The following SLC14A2 variants were observed in gnomAD, a reference collection of about 807,000 sequenced individuals.
SLC14A2 encodes solute carrier family 14 member 2, also known as urea transporter 2.
SLC14A2 carries 91 observed loss-of-function variants against 104.6 expected under a neutral mutation model. The observed-to-expected ratio is 0.87, with a 90% CI of 0.73 to 1.04. The LOEUF (loss-of-function observed/expected upper bound fraction) is 1.04. Among genes scored for constraint, SLC14A2 ranks in the 50% least tolerant of loss-of-function variants. The pLI, the probability that SLC14A2 is intolerant of heterozygous loss-of-function variation, is 0.00. For synonymous variants in SLC14A2, 476 were observed against 466.4 expected (o/e 1.02, Z -0.27); for missense variants, 1,189 against 1,156.0 (o/e 1.03, Z -0.41).
At chr18:45,557,408 G>C (rs2044147581) in intron 2 of SLC14A2, among the ~76,000 whole-genome samples, 1 of 152,216 alleles carries the variant, frequency 6.6e-6, no homozygotes, top group East Asian at 1.9e-4. Flanking sequence ...CTCCATTAAT[G>C]TGTGTAAGTT....
chr18:45,176,242 C>T, the SLC14A2 span, among the ~76,000 whole-genome samples: 1 of 152,276 alleles, frequency 6.6e-6, no homozygotes, highest in Admixed American at 6.5e-5. Flanking sequence ...ATTCTCACAA[C>T]CACAATATGT....
chr18:45,205,194 C>G, the SLC14A2 span, among the ~76,000 whole-genome samples: 1 of 152,324 alleles, frequency 6.6e-6, no homozygotes, highest in East Asian at 1.9e-4. Flanking sequence ...CACCAGCTTT[C>G]AGGCAGCATA....
chr18:45,392,248 A>T (rs9304316), intron 1 of SLC14A2, among the ~76,000 whole-genome samples: 3 of 152,062 alleles, frequency 2.0e-5, no homozygotes, highest in Admixed American at 1.3e-4. Context: ...GGTCTCCCCA[A>T]CACACATGCT....
chr18:45,336,276 G>C (rs1469598717), intron 1 of SLC14A2, among the ~76,000 whole-genome samples: 4 of 152,124 alleles, frequency 2.6e-5, no homozygotes, highest in Admixed American at 2.6e-4. Context: ...ATTTGAACTG[G>C]GAAAATGTCC....
intron 10 of SLC14A2, among the ~76,000 whole-genome samples, chr18:45,656,798 A>G (rs1209541768): frequency 6.6e-6 from 1 of 152,242 alleles, no homozygotes; most frequent in Non-Finnish European, 1.5e-5. Context: ...AAAGACACCG[A>G]AAGAAATGAG....
chr18:45,641,037 T>C (rs761458554), intron 7 of SLC14A2, among the ~76,000 whole-genome samples, 172 bp from the exon 8 acceptor site: 17 of 152,190 alleles, frequency 1.1e-4, no homozygotes, highest in African/African-American at 2.4e-4. Context: ...TCTCTTTTCA[T>C]TGAAGGTCTC....
chr18:45,178,420 C>A, the SLC14A2 span, among the ~76,000 whole-genome samples: 1 of 151,762 alleles, frequency 6.6e-6, no homozygotes, highest in Non-Finnish European at 1.5e-5. Flanking sequence ...AGAATAAAAG[C>A]ACACGTTATT....
intron 2 of SLC14A2, among the ~76,000 whole-genome samples, chr18:45,568,830 CT>C (rs1365343328): frequency 3.3e-4 from 50 of 152,122 alleles, no homozygotes; most frequent in Non-Finnish European, 2.9e-5. Context: ...CCTATCCTGA[CT>C]GATACAGAAA....
chr18:45,682,376 C>A lies in SLC14A2; in HGVS notation c.2620C>A (p.Leu874Met). 1.2e-6 allele frequency: 2 copies of A among 1,614,166 alleles called. No individual in the cohort carries two copies. Reference protein sequence around the residue: ...FCLSALTFLLLTTNNPAIYKL... With the variant: ...FCLSALTFLLMTTNNPAIYKL... ...TCTCTCAGCTCTCACCTTCCTGCTC[C>A]TGACGACCAATAACCCCGCCATCTA... The change falls in exon 20 of 20, where the codon CTG becomes ATG. Residue 874 changes from leucine to methionine, a missense_variant. Transcript: ENST00000255226.
rs551632004 is a variant in SLC14A2 at position 45,512,352 on chromosome 18, G to A, written c.-35+29030G>A. On this transcript the variant is annotated intron_variant, in intron 2 of 20. Transcript: ENST00000586448. ...AAAAAAAAATCAAAGTCAGATGGGC[G>A]ATACCTAGGCCAGGGAGAAGAGTCC... 5.9e-5 allele frequency among the ~76,000 whole-genome samples: 9 copies of A among 152,300 alleles called. No homozygotes were observed. In the South Asian group the frequency reaches 6.2e-4, roughly 11 times the overall value.
intron 2 of SLC14A2, among the ~76,000 whole-genome samples, chr18:45,593,665 A>AT (rs1249296985): frequency 6.6e-6 from 1 of 151,174 alleles, no homozygotes; most frequent in Non-Finnish European, 1.5e-5. Context: ...AATTTTTTGT[A>AT]TTTTTAGTAG....
intron 1 of SLC14A2, among the ~76,000 whole-genome samples, chr18:45,305,376 T>C (rs1057209022): frequency 6.6e-6 from 1 of 152,246 alleles, no homozygotes; most frequent in African/African-American, 2.4e-5. Flanking sequence ...TTACTACTGA[T>C]GTGCACTGGG....
At chr18:45,517,028 G>A (rs546774658) in intron 2 of SLC14A2, among the ~76,000 whole-genome samples, 1 of 152,350 alleles carries the variant, frequency 6.6e-6, no homozygotes, top group South Asian at 2.1e-4. Context: ...ACTGTGTGCT[G>A]TCTGTGAACT....
chr18:45,529,821 A>G (rs2043653960), intron 2 of SLC14A2: 1 of 152,064 alleles, frequency 6.6e-6, no homozygotes, highest in African/African-American at 2.4e-5. Flanking sequence ...CTTGTATGTG[A>G]CAGTTTAAAG....
At chr18:45,504,802 C>T (rs2043256142) in intron 2 of SLC14A2, among the ~76,000 whole-genome samples, 1 of 152,146 alleles carries the variant, frequency 6.6e-6, no homozygotes, top group Non-Finnish European at 1.5e-5. Flanking sequence ...CATTAATTTC[C>T]CCATTGTTCT....
At chr18:45,429,552 T>C (rs747531258) in intron 1 of SLC14A2, among the ~76,000 whole-genome samples, 1 of 152,192 alleles carries the variant, frequency 6.6e-6, no homozygotes, top group Non-Finnish European at 1.5e-5. Context: ...CAAATAACTG[T>C]GATATGGACA....
At chr18:45,587,834 G>A (rs73423727) in intron 2 of SLC14A2, among the ~76,000 whole-genome samples, 5,760 of 152,066 alleles carry the variant, frequency 0.038, 149 homozygotes, top group South Asian at 0.1. Flanking sequence ...CTGCTATATC[G>A]GTGTTGAAAA....
At chr18:45,235,841 ATATATG>A (rs2084222897) in intron 1 of SLC14A2, among the ~76,000 whole-genome samples, 3 of 122,922 alleles carry the variant, frequency 2.4e-5, no homozygotes, top group Non-Finnish European at 1.7e-5. Flanking sequence ...ACGTGTATAT[ATATATG>A]TATATATACA....
chr18:45,516,890 G>A (rs2043449146), intron 2 of SLC14A2, among the ~76,000 whole-genome samples: 1 of 152,228 alleles, frequency 6.6e-6, no homozygotes, highest in Non-Finnish European at 1.5e-5. Flanking sequence ...GATCAGAATG[G>A]GCTGCTGTGA....
Sources: allele counts gnomAD v4.1 joint callset (sites outside exome capture counted in the v4.1 genomes callset), GRCh38; gene constraint gnomAD v4.1.1; transcripts MANE v1.5; gene names NCBI Gene and HGNC (gene_info 2026-07-23, HGNC 2026-07-21).